PLXDC2: variants seen among roughly 807,000 people sequenced by gnomAD.
PLXDC2 encodes plexin domain-containing protein 2.
A neutral mutation model predicts 68.9 loss-of-function variants in PLXDC2; 40 were observed. That is an observed-to-expected ratio of 0.58 (90% CI 0.45 to 0.76). The LOEUF (loss-of-function observed/expected upper bound fraction) is 0.76. PLXDC2 is among the 30% of genes least tolerant of loss of function. The pLI is 0.00. For missense variants in PLXDC2, 644 were observed against 661.9 expected (o/e 0.97, Z 0.30); for synonymous variants, 243 against 234.2 (o/e 1.04, Z -0.34).
chr10:20,080,471 G>T (rs903262506), intron 4 of PLXDC2, among the ~76,000 whole-genome samples: 10 of 152,102 alleles, frequency 6.6e-5, no homozygotes, highest in African/African-American at 2.4e-4. Flanking sequence ...AGAGCCCCTG[G>T]CAAACCACTG....
chr10:19,997,445 G>A (rs1430379503), intron 1 of PLXDC2, among the ~76,000 whole-genome samples: 1 of 152,180 alleles, frequency 6.6e-6, no homozygotes, highest in Non-Finnish European at 1.5e-5. Context: ...CAAAGTGTTT[G>A]TCATAAGGTG....
At chr10:19,980,489 G>C (rs1245126019) in intron 1 of PLXDC2, among the ~76,000 whole-genome samples, 1 of 152,166 alleles carries the variant, frequency 6.6e-6, no homozygotes, top group Non-Finnish European at 1.5e-5. Flanking sequence ...CAAGGTGGCA[G>C]CAGATCTGGA....
At chr10:19,901,834 G>A (rs1480655834) in intron 1 of PLXDC2, among the ~76,000 whole-genome samples, 1 of 152,022 alleles carries the variant, frequency 6.6e-6, no homozygotes, top group Non-Finnish European at 1.5e-5. Flanking sequence ...TTTGATCCAC[G>A]TTGAGTTGAT....
At chr10:20,164,825 C>T (rs572536871) in intron 7 of PLXDC2, among the ~76,000 whole-genome samples, 3 of 152,010 alleles carry the variant, frequency 2.0e-5, no homozygotes, top group South Asian at 4.2e-4. Flanking sequence ...GTTCTTTTTT[C>T]TTTCTTTTGA....
rs1836199508 is a variant in PLXDC2, at chr10:20,289,286, G to C, written c.*9467G>C. ...TGCACAGTGTGTGGGCAATGGGATG[G>C]AGACTTTTTCCCCTATTCCCAGCCA... On this transcript the variant is annotated 3_prime_UTR_variant, in exon 14 of 14. Coordinates refer to ENST00000377252, the MANE Select transcript of PLXDC2 (RefSeq NM_032812.9). The C allele has an allele frequency of 6.6e-6, 1 of 152,176 alleles. No individual in the cohort carries two copies. The highest frequency in any genetic ancestry group is 6.5e-5 in the Admixed American group (1 of 15,276). The allele number at this position is 152,176 out of a possible 1,614,324, so 9.4% of individuals were successfully genotyped here. A position where few individuals can be genotyped will look rare whatever the true frequency, so the allele number is the denominator to read the frequency against.
rs141263586 is a variant in PLXDC2, at chr10:20,230,938, T to C, written c.1312+11836T>C. On this transcript the variant is annotated intron_variant, in intron 12 of 13. Transcript: ENST00000377252. ...ATTAAATTTCTAGATTGTGGTCTTA[T>C]AGACTACACTCTTTGACTGCAAAAG... 5.3e-5 allele frequency among the ~76,000 whole-genome samples: 8 copies of C among 151,346 alleles called. No homozygotes were observed. The South Asian group carries it at 6.2e-4, about 12-fold the overall frequency.
chr10:20,250,271 CAAAAA>C (rs35463564), intron 13 of PLXDC2, among the ~76,000 whole-genome samples: 69 of 108,460 alleles, frequency 6.4e-4, no homozygotes, highest in South Asian at 1.3e-3. Flanking sequence ...GATCCTGTTT[CAAAAA>C]AAAAAAAAAA....
At chr10:19,951,857 C>T (rs745714710) in intron 1 of PLXDC2, among the ~76,000 whole-genome samples, 1 of 152,144 alleles carries the variant, frequency 6.6e-6, no homozygotes, top group Non-Finnish European at 1.5e-5. Flanking sequence ...AACATGGATG[C>T]AGCTAGAGAC....
chr10:20,232,005 C>CA (rs56360100), intron 12 of PLXDC2, among the ~76,000 whole-genome samples: 70,875 of 144,712 alleles, frequency 0.49, 17,945 homozygotes, highest in Middle Eastern at 0.69. Context: ...GACCCTATCT[C>CA]AAAAAAAAAA....
chr10:19,999,303 C>T (rs898930164), intron 1 of PLXDC2, among the ~76,000 whole-genome samples: 1 of 151,242 alleles, frequency 6.6e-6, no homozygotes, highest in South Asian at 2.1e-4. Context: ...GAATAAGTAA[C>T]ACTTATTTAA....
At position 19,909,512 on chromosome 10, in the gene PLXDC2, T is replaced by C. The variant is rs1350938221; in HGVS notation, c.113-92263T>C. On this transcript the variant is annotated intron_variant, in intron 1 of 13. Transcript: ENST00000377252. ...GCTTGGCAAGAGATTAAGGAAATGA[T>C]CGGATGACCACAGCAGAAGAGAAAA... Among the ~76,000 whole-genome samples the C allele has an allele frequency of 3.9e-5, 6 of 152,286 alleles. No individual in the cohort carries two copies. The East Asian group carries it at 9.6e-4, about 24-fold the overall frequency.
chr10:20,164,677 T>G (rs574992322), intron 7 of PLXDC2, 110 bp downstream of exon 7: 24 of 783,766 alleles, frequency 3.1e-5, no homozygotes, highest in East Asian at 2.1e-4. Context: ...GCTAATCGAT[T>G]AGCTGATTAA....
intron 1 of PLXDC2, among the ~76,000 whole-genome samples, chr10:19,864,485 G>T (rs1837377826): frequency 1.3e-5 from 2 of 152,012 alleles, no homozygotes; most frequent in Admixed American, 1.3e-4. Context: ...AATATATAAA[G>T]TCTAAACAAT....
In PLXDC2 at chr10:19,876,624, AAGAG is replaced by A. The variant is rs1200115188; in HGVS notation, c.112+59451_112+59454del. 2.6e-3 allele frequency among the ~76,000 whole-genome samples: 367 copies of A among 138,910 alleles called. 3 individuals carry two copies. The highest frequency in any genetic ancestry group is 4.2e-3 in the Non-Finnish European group (266 of 62,882). 91.1% of individuals were successfully genotyped at this position (138,910 alleles called of 152,430 possible). A position where few individuals can be genotyped will look rare whatever the true frequency, so the allele number is the denominator to read the frequency against. On this transcript the variant is annotated intron_variant, in intron 1 of 13. Coordinates refer to ENST00000377252, the MANE Select transcript of PLXDC2 (RefSeq NM_032812.9). ...CTCAAAAAAAAAAAAAAAAAAAAAA[AAGAG>A]AGAGAGAGAGAGAGAGAAACAAAGT...
At chr10:19,941,641 C>T (rs954179744) in intron 1 of PLXDC2, among the ~76,000 whole-genome samples, 8 of 152,112 alleles carry the variant, frequency 5.3e-5, no homozygotes, top group South Asian at 2.1e-4. Flanking sequence ...ATGCCTAATC[C>T]GTGTTTATCC....
chr10:20,223,638 A>G (rs1835248082), intron 12 of PLXDC2, among the ~76,000 whole-genome samples: 1 of 152,048 alleles, frequency 6.6e-6, no homozygotes, highest in Admixed American at 6.6e-5. Flanking sequence ...CAACCTTCCC[A>G]TGGGAAATGC....
intron 9 of PLXDC2, among the ~76,000 whole-genome samples, chr10:20,190,449 G>A (rs192268671): frequency 0.028 from 4,299 of 151,920 alleles, 79 homozygotes; most frequent in Middle Eastern, 0.071. Context: ...AAAAGGCAAA[G>A]CTCACAGTTG....
At chr10:20,279,619 T>G (rs1427793102) in intron 13 of PLXDC2, 84 bp from the exon 14 acceptor site, 2 of 1,032,862 alleles carry the variant, frequency 1.9e-6, no homozygotes, top group Non-Finnish European at 3.0e-6. Context: ...CAACATTTAA[T>G]CTAAAATAGC....
chr10:19,941,494 C>A (rs1833817547), intron 1 of PLXDC2, among the ~76,000 whole-genome samples: 1 of 152,210 alleles, frequency 6.6e-6, no homozygotes, highest in African/African-American at 2.4e-5. Context: ...TTGCTGGCTT[C>A]CAAGGTCTGG....
Sources: allele counts gnomAD v4.1 joint callset (sites outside exome capture counted in the v4.1 genomes callset), GRCh38; gene constraint gnomAD v4.1.1; transcripts MANE v1.5; gene names NCBI Gene and HGNC (gene_info 2026-07-23, HGNC 2026-07-21).